Variants in KIF16B observed in about 807,000 individuals in gnomAD.
The protein encoded by KIF16B is kinesin-like protein KIF16B.
In KIF16B, 98 loss-of-function variants were observed where a neutral mutation model predicts 156.3. That is an observed-to-expected ratio of 0.63 (90% confidence interval 0.53 to 0.74). The LOEUF (loss-of-function observed/expected upper bound fraction) is 0.74, where lower values mean the gene tolerates loss of function less well. KIF16B is among the 30% of genes least tolerant of loss of function. KIF16B has a pLI of 0.00. For missense variants in KIF16B, 1,421 were observed against 1,606.5 expected, an observed-to-expected ratio of 0.88 and a Z score of 1.97; for synonymous variants, 564 against 583.7, an observed-to-expected ratio of 0.97 and a Z score of 0.49.
intron 22 of KIF16B, among the ~76,000 whole-genome samples, chr20:16,364,684 C>T (rs1391961297): frequency 1.3e-5 from 2 of 152,338 alleles, no homozygotes; most frequent in East Asian, 3.9e-4. Context: ...ATCAAACTCT[C>T]ACACAGAGGA....
intron 1 of KIF16B, among the ~76,000 whole-genome samples, chr20:16,571,990 GA>G (rs1312376172): frequency 6.6e-5 from 10 of 152,012 alleles, no homozygotes; most frequent in African/African-American, 2.4e-4. Flanking sequence ...TTCCAAAAAA[GA>G]AAAAGAACTT....
At chr20:16,457,642 T>A (rs553410850) in intron 12 of KIF16B, among the ~76,000 whole-genome samples, 10 of 152,230 alleles carry the variant, frequency 6.6e-5, no homozygotes, top group Non-Finnish European at 1.5e-4. Flanking sequence ...CCTTGTCTTG[T>A]GCGGAGAATG....
chr20:16,546,111 A>T (rs1352306473), intron 1 of KIF16B, among the ~76,000 whole-genome samples: 1 of 152,186 alleles, frequency 6.6e-6, no homozygotes, highest in Non-Finnish European at 1.5e-5. Context: ...CATAGTGCCT[A>T]ACATGTATAT....
At chr20:16,403,000 C>G (rs751289340) in intron 17 of KIF16B, among the ~76,000 whole-genome samples, 5 of 152,182 alleles carry the variant, frequency 3.3e-5, no homozygotes, top group Non-Finnish European at 7.3e-5. Flanking sequence ...AAGAGGGGCC[C>G]ATGGCTAGTG....
chr20:16,379,799 T>C lies in KIF16B; in HGVS notation c.2203A>G (p.Lys735Glu). ...QIFQELDQLQKEKDEQYAKLE... is the reference protein window; with the variant it reads ...QIFQELDQLQEEKDEQYAKLE... The stretch of plus-strand genomic sequence containing the variant: ...TTGGCATACTGTTCATCTTTTTCCT[T>C]TTGGAGCTGGTCCAGTTCTTGAAAT... The change falls in exon 19 of 26, where the codon AAG becomes GAG. Residue 735 changes from lysine (K) to glutamate (E), a missense_variant. Transcript: ENST00000354981. The C allele has an allele frequency of 6.2e-7, 1 of 1,614,194 alleles. No homozygotes were observed. Among genetic ancestry groups the C allele is most frequent in the African/African-American group, 1.3e-5 (1 of 75,034 alleles).
intron 1 of KIF16B, among the ~76,000 whole-genome samples, chr20:16,543,037 C>T (rs1448013481): frequency 1.3e-5 from 2 of 152,144 alleles, no homozygotes; most frequent in Non-Finnish European, 2.9e-5. Context: ...TGCTGACAAA[C>T]ACTACTCTCT....
At chr20:16,535,734 T>G (rs1456457995) in intron 1 of KIF16B, among the ~76,000 whole-genome samples, 4 of 144,442 alleles carry the variant, frequency 2.8e-5, no homozygotes, top group African/African-American at 1.0e-4. Flanking sequence ...AACAGATATA[T>G]GAAAAAAATG....
intron 12 of KIF16B, among the ~76,000 whole-genome samples, chr20:16,451,208 A>T (rs931759601): frequency 6.6e-6 from 1 of 152,216 alleles, no homozygotes; most frequent in Non-Finnish European, 1.5e-5. Context: ...TTTAGGGAAA[A>T]CATTTCTATA....
At chr20:16,384,277 C>T (rs567669559) in intron 17 of KIF16B, among the ~76,000 whole-genome samples, 1 of 152,316 alleles carries the variant, frequency 6.6e-6, no homozygotes, top group Non-Finnish European at 1.5e-5. Flanking sequence ...CTGTCCCCAC[C>T]AGGCTCCCGG....
At chr20:16,389,209 G>A (rs1297712127) in intron 17 of KIF16B, among the ~76,000 whole-genome samples, 1 of 152,108 alleles carries the variant, frequency 6.6e-6, no homozygotes, top group African/African-American at 2.4e-5. Context: ...ATTACTTCAT[G>A]GGCATGTGAC....
chr20:16,335,836 CAGAG>C (rs1315523359), intron 24 of KIF16B, 86 bp downstream of exon 24: 21 of 761,152 alleles, frequency 2.8e-5, no homozygotes, highest in Middle Eastern at 3.7e-4. Flanking sequence ...AAGAGAGAGA[CAGAG>C]AGAGAGATAA....
At chr20:16,287,855 G>A (rs956949766) in intron 25 of KIF16B, among the ~76,000 whole-genome samples, 1 of 152,168 alleles carries the variant, frequency 6.6e-6, no homozygotes, top group African/African-American at 2.4e-5. Context: ...GAAGAATTGA[G>A]TTTATCTTGC....
chr20:16,524,777 G>T (rs894204857), intron 3 of KIF16B, among the ~76,000 whole-genome samples: 4 of 152,030 alleles, frequency 2.6e-5, no homozygotes, highest in Non-Finnish European at 5.9e-5. Flanking sequence ...GAACCAACCC[G>T]AATGCCCATC....
intron 1 of KIF16B, among the ~76,000 whole-genome samples, chr20:16,532,069 A>T (rs1600641682): frequency 1.9e-5 from 1 of 51,688 alleles, no homozygotes; most frequent in South Asian, 9.4e-4. Flanking sequence ...ACTCCGTCTC[A>T]AAAAAAAAAA....
At chr20:16,369,989 A>G (rs967485697) in intron 22 of KIF16B, among the ~76,000 whole-genome samples, 11 of 152,272 alleles carry the variant, frequency 7.2e-5, no homozygotes, top group African/African-American at 2.6e-4. Flanking sequence ...CTCTGTGAAC[A>G]TCCACCTCTT....
At chr20:16,418,352 T>C (rs1322181799) in intron 15 of KIF16B, among the ~76,000 whole-genome samples, 2 of 152,100 alleles carry the variant, frequency 1.3e-5, no homozygotes, top group Non-Finnish European at 2.9e-5. Flanking sequence ...CTCTTGGCCA[T>C]GGGGACCCCA....
At chr20:16,514,877 T>G (rs1214452370) in intron 4 of KIF16B, among the ~76,000 whole-genome samples, 1 of 105,522 alleles carries the variant, frequency 9.5e-6, no homozygotes. Flanking sequence ...CGGAGTGAGA[T>G]TCCATCTCAA....
intron 23 of KIF16B, 105 bp from the exon 24 acceptor site, chr20:16,336,120 A>G (rs1409893635): frequency 1.6e-5 from 11 of 677,202 alleles, no homozygotes; most frequent in Non-Finnish European, 2.5e-5. Flanking sequence ...ATTAGCATGT[A>G]AAATTTCTCT....
intron 22 of KIF16B, chr20:16,369,201 G>A: frequency 1.0e-6 from 1 of 985,772 alleles, no homozygotes; most frequent in Non-Finnish European, 1.2e-6. Flanking sequence ...TAATGAGGCT[G>A]GAAGTGTCAG....
Sources: allele counts gnomAD v4.1 joint callset (sites outside exome capture counted in the v4.1 genomes callset), GRCh38; gene constraint gnomAD v4.1.1; transcripts MANE v1.5; gene names NCBI Gene and HGNC (gene_info 2026-07-23, HGNC 2026-07-21).